The following BCAS1 variants were observed in gnomAD, a reference collection of about 807,000 sequenced individuals.
BCAS1 encodes breast carcinoma-amplified sequence 1.
Under a neutral mutation model 65.4 loss-of-function variants are expected in BCAS1, and 46 were observed. The observed-to-expected ratio is 0.70, with a 90% CI of 0.55 to 0.90. The LOEUF (loss-of-function observed/expected upper bound fraction) is 0.90. Ranked by LOEUF, BCAS1 falls within the 40% of genes least tolerant of loss-of-function variation. The pLI is 0.00. For synonymous variants in BCAS1, 298 were observed against 293.5 expected, an observed-to-expected ratio of 1.02 and a Z score of -0.16; for missense variants, 793 against 771.2, an observed-to-expected ratio of 1.03 and a Z score of -0.33.
chr20:54,038,071 G>C (rs1349917406), intron 3 of BCAS1, among the ~76,000 whole-genome samples: 1 of 151,178 alleles, frequency 6.6e-6, no homozygotes, highest in Non-Finnish European at 1.5e-5. Context: ...TCTCTACTAT[G>C]GGCCACACCC....
In BCAS1 at chr20:53,979,772, A is replaced by T. The variant is rs548874567; in HGVS notation, c.1276-4342T>A. 2.6e-5 allele frequency among the ~76,000 whole-genome samples: 4 copies of T among 152,346 alleles called. No homozygotes were observed. In the South Asian group the frequency reaches 8.3e-4, roughly 32 times the overall value. ...TGGATTCATGTATGTTCAGCATTCT[A>T]TGAAAATTGCTGATATTTATTTTGT... On this transcript the variant is annotated intron_variant, in intron 8 of 12. Transcript: ENST00000688948.
At chr20:53,969,441 T>C (rs2090124143) in intron 9 of BCAS1, among the ~76,000 whole-genome samples, 1 of 152,146 alleles carries the variant, frequency 6.6e-6, no homozygotes, top group Admixed American at 6.5e-5. Flanking sequence ...ATAAATAGCA[T>C]CAAGATAGTT....
chr20:54,044,471 C>T (rs2092059600), intron 3 of BCAS1, among the ~76,000 whole-genome samples: 1 of 152,172 alleles, frequency 6.6e-6, no homozygotes, highest in Non-Finnish European at 1.5e-5. Context: ...GAGTATCTGT[C>T]ATGGTAAGTA....
intron 11 of BCAS1, among the ~76,000 whole-genome samples, chr20:53,956,848 C>A (rs898824091): frequency 6.6e-6 from 1 of 152,058 alleles, no homozygotes; most frequent in Non-Finnish European, 1.5e-5. Flanking sequence ...AAAAGGAACA[C>A]ATGTAGTTAT....
At chr20:53,958,695 G>T (rs2089779330) in intron 10 of BCAS1, among the ~76,000 whole-genome samples, 1 of 152,188 alleles carries the variant, frequency 6.6e-6, no homozygotes, top group African/African-American at 2.4e-5. Flanking sequence ...TAAGTGCTGG[G>T]CATTGTGCTA....
At chr20:53,950,352 C>T (rs936700798) in intron 12 of BCAS1, among the ~76,000 whole-genome samples, 1 of 152,178 alleles carries the variant, frequency 6.6e-6, no homozygotes, top group Non-Finnish European at 1.5e-5. Flanking sequence ...CTCTTCCTGT[C>T]TGGCACCTTT....
At chr20:54,007,959 C>T (rs2091237510) in intron 4 of BCAS1, among the ~76,000 whole-genome samples, 1 of 152,092 alleles carries the variant, frequency 6.6e-6, no homozygotes, top group Non-Finnish European at 1.5e-5. Context: ...CCTCAAGTAC[C>T]CCAGACTTGG....
At position 53,944,917 on chromosome 20, in the gene BCAS1, T is replaced by C. The variant is rs1323785605; in HGVS notation, c.*5A>G. ...GAGAACCTGGTGGGAACCGTGCTGA[T>C]TTGTTTACTTGGATTTGCCAACTGG... On this transcript the variant is annotated 3_prime_UTR_variant, in exon 13 of 13. Transcript: ENST00000688948. 1.9e-6 allele frequency: 3 copies of C among 1,613,834 alleles called. No homozygotes were observed. The highest frequency in any genetic ancestry group is 3.3e-5 in the Admixed American group (2 of 60,012).
At chr20:54,046,439 G>T (rs2146247304) in intron 3 of BCAS1, among the ~76,000 whole-genome samples, 1 of 146,528 alleles carries the variant, frequency 6.8e-6, no homozygotes, top group Non-Finnish European at 1.5e-5. Context: ...TGAGGCAGGA[G>T]AATCACTTGA....
At chr20:54,029,823 A>G (rs1190737427) in intron 3 of BCAS1, among the ~76,000 whole-genome samples, 1 of 152,252 alleles carries the variant, frequency 6.6e-6, no homozygotes, top group African/African-American at 2.4e-5. Context: ...AGTAAGCAGC[A>G]GAGTCTGGCT....
chr20:53,946,807 G>A (rs1233124074), intron 12 of BCAS1, among the ~76,000 whole-genome samples: 1 of 151,394 alleles, frequency 6.6e-6, no homozygotes, highest in Non-Finnish European at 1.5e-5. Flanking sequence ...ATAGGAAAGG[G>A]AAGTATAATG....
chr20:53,974,735 G>A (rs1221546414), intron 9 of BCAS1, among the ~76,000 whole-genome samples: 3 of 152,276 alleles, frequency 2.0e-5, no homozygotes, highest in Non-Finnish European at 2.9e-5. Flanking sequence ...TGAAACTCAC[G>A]AGGTCAATTT....
intron 1 of BCAS1, among the ~76,000 whole-genome samples, chr20:54,061,284 G>A (rs2092373899): frequency 6.6e-6 from 1 of 152,168 alleles, no homozygotes; most frequent in Admixed American, 6.5e-5. Context: ...TTAAAAAGGA[G>A]GAATGGAACC....
intron 9 of BCAS1, among the ~76,000 whole-genome samples, chr20:53,974,952 C>T (rs1028384509): frequency 5.9e-5 from 9 of 152,160 alleles, no homozygotes; most frequent in African/African-American, 1.9e-4. Context: ...TCTGTTGCTG[C>T]AAGATGTTCT....
chr20:54,045,595 G>A (rs1306072924), intron 3 of BCAS1, among the ~76,000 whole-genome samples: 2 of 152,152 alleles, frequency 1.3e-5, no homozygotes, highest in African/African-American at 4.8e-5. Flanking sequence ...AAAACAACTC[G>A]AACTGTTTCT....
At chr20:53,954,325 GA>G (rs2089633342) in intron 11 of BCAS1, among the ~76,000 whole-genome samples, 1 of 151,404 alleles carries the variant, frequency 6.6e-6, no homozygotes, top group East Asian at 1.9e-4. Flanking sequence ...GAGAGAGAGA[GA>G]GAGAGAGAGG....
At chr20:53,957,745 C>T (rs1214633511) in intron 10 of BCAS1, among the ~76,000 whole-genome samples, 1 of 152,116 alleles carries the variant, frequency 6.6e-6, no homozygotes, top group Non-Finnish European at 1.5e-5. Context: ...TGGAATTAGG[C>T]AATTCTGAGA....
intron 4 of BCAS1, among the ~76,000 whole-genome samples, 169 bp from the exon 5 acceptor site, chr20:53,996,219 C>T (rs1282524978): frequency 6.6e-6 from 1 of 152,042 alleles, no homozygotes; most frequent in African/African-American, 2.4e-5. Context: ...TTCCTTCCCT[C>T]CCCCTCTTTC....
intron 4 of BCAS1, among the ~76,000 whole-genome samples, chr20:54,006,553 T>C (rs2091196835): frequency 6.6e-6 from 1 of 151,942 alleles, no homozygotes; most frequent in Non-Finnish European, 1.5e-5. Context: ...CTATTAAAAA[T>C]ACAAAAATTA....
Sources: gnomAD v4.1 joint callset for allele counts (sites outside exome capture counted in the v4.1 genomes callset) on GRCh38, gnomAD v4.1.1 for gene constraint, MANE v1.5 for transcripts, NCBI Gene and HGNC (gene_info 2026-07-23, HGNC 2026-07-21) for gene names.